The following RHOBTB1 variants were observed in gnomAD, a reference collection of about 807,000 sequenced individuals.
The protein encoded by RHOBTB1 is rho-related BTB domain-containing protein 1.
A neutral mutation model predicts 71.6 loss-of-function variants in RHOBTB1; 40 were observed. The ratio of observed to expected loss-of-function variants is 0.56; its 90% CI spans 0.43 to 0.73. The LOEUF (loss-of-function observed/expected upper bound fraction) is 0.73, where lower values mean the gene tolerates loss of function less well. Among genes scored for constraint, RHOBTB1 ranks in the 30% least tolerant of loss-of-function variants. The probability of loss-of-function intolerance (pLI) is 0.00; values close to 1 mark genes in which losing one functional copy is unlikely to be tolerated. For synonymous variants in RHOBTB1, 319 were observed against 334.9 expected, an observed-to-expected ratio of 0.95 and a Z score of 0.52; for missense variants, 797 against 894.0, an observed-to-expected ratio of 0.89 and a Z score of 1.38.
At chr10:60,903,630 A>T (rs2082516595) in intron 4 of RHOBTB1, among the ~76,000 whole-genome samples, 1 of 152,196 alleles carries the variant, frequency 6.6e-6, no homozygotes, top group African/African-American at 2.4e-5. Flanking sequence ...TGCTAGAAAA[A>T]GATATAAACA....
chr10:60,949,664 CTTTTT>C lies in RHOBTB1; in HGVS notation c.-61-7815_-61-7811del, dbSNP rs147906688. Among the ~76,000 whole-genome samples the C allele has an allele frequency of 7.6e-3, 831 of 108,908 alleles. 2 individuals are homozygous for C. The highest frequency in any genetic ancestry group is 8.7e-3 in the Non-Finnish European group (479 of 54,792). The allele number at this position is 108,908 out of a possible 152,430, so 71.4% of individuals were successfully genotyped here. ...GTATTGATGTGGTTTCCAGGTGAAG[CTTTTT>C]TTTTTTTTTTTTTTTTTTTTAAAGC... On this transcript the variant is annotated intron_variant, in intron 2 of 11. Transcript: ENST00000357917.
In RHOBTB1 at chr10:60,871,448, T is replaced by C. The variant is rs762737546; in HGVS notation, c.*34A>G. ...AAAAGTGGTGGATCAGATTACCGAT[T>C]GGTTTCTGTTTTTTGTTTTTTTTCT... is the stretch of plus-strand genomic sequence containing the variant. On this transcript the variant is annotated 3_prime_UTR_variant, in exon 11 of 11. Coordinates refer to ENST00000337910, the MANE Select transcript of RHOBTB1 (RefSeq NM_014836.5). The C allele has an allele frequency of 1.9e-6, 3 of 1,603,034 alleles. No individual in the cohort carries two copies. The Admixed American group carries it at 5.1e-5, about 27-fold the overall frequency.
chr10:60,992,200 C>T (rs567857906), intron 1 of RHOBTB1, among the ~76,000 whole-genome samples: 53 of 152,154 alleles, frequency 3.5e-4, no homozygotes, highest in African/African-American at 1.2e-3. Context: ...ATATAAGAAA[C>T]GAAAGTAGGA....
At chr10:60,879,184 A>G (rs951121454) in intron 7 of RHOBTB1, among the ~76,000 whole-genome samples, 1 of 152,176 alleles carries the variant, frequency 6.6e-6, no homozygotes, top group African/African-American at 2.4e-5. Context: ...AGGGAGTATG[A>G]TGCGAAAGTG....
chr10:60,975,658 A>G (rs1007825030), intron 2 of RHOBTB1, among the ~76,000 whole-genome samples: 1 of 152,114 alleles, frequency 6.6e-6, no homozygotes, highest in African/African-American at 2.4e-5. Context: ...CTGATTATAC[A>G]TAAATTCTCT....
intron 2 of RHOBTB1, among the ~76,000 whole-genome samples, chr10:60,940,177 T>C (rs1038243845): frequency 6.6e-6 from 1 of 152,188 alleles, no homozygotes; most frequent in African/African-American, 2.4e-5. Context: ...AAAAATATCT[T>C]CACTAATTAA....
chr10:60,947,725 C>T (rs2085284413), upstream of RHOBTB1, among the ~76,000 whole-genome samples: 1 of 152,070 alleles, frequency 6.6e-6, no homozygotes, highest in Admixed American at 6.5e-5. Context: ...TATCCATTCA[C>T]CCACTGAAGG....
intron 2 of RHOBTB1, among the ~76,000 whole-genome samples, chr10:60,957,977 A>T (rs182036987): frequency 6.6e-6 from 1 of 152,326 alleles, no homozygotes; most frequent in African/African-American, 2.4e-5. Flanking sequence ...TGAAAAGTGG[A>T]ATGACTTACT....
chr10:60,899,951 C>G (rs988603507), intron 4 of RHOBTB1, among the ~76,000 whole-genome samples: 1 of 151,986 alleles, frequency 6.6e-6, no homozygotes, highest in African/African-American at 2.4e-5. Context: ...TCCAGAAGCC[C>G]TTGGGGAAGG....
chr10:60,903,561 T>G (rs1345514157), intron 4 of RHOBTB1, among the ~76,000 whole-genome samples: 2 of 152,162 alleles, frequency 1.3e-5, no homozygotes, highest in Non-Finnish European at 2.9e-5. Context: ...AACGGAAAAT[T>G]TTCACAGAAC....
intron 2 of RHOBTB1, among the ~76,000 whole-genome samples, chr10:60,925,578 C>T (rs74388070): frequency 0.015 from 2,284 of 151,512 alleles, 68 homozygotes; most frequent in East Asian, 0.15. Context: ...TAATAAAGAT[C>T]GGAGCAGAAA....
intron 7 of RHOBTB1, among the ~76,000 whole-genome samples, chr10:60,884,818 C>A (rs754493936): frequency 6.6e-6 from 1 of 152,112 alleles, no homozygotes; most frequent in Admixed American, 6.5e-5. Context: ...AGAGTGATTA[C>A]CAGAGGCTGG....
At chr10:60,863,179 AG>A in the RHOBTB1 span, among the ~76,000 whole-genome samples, 3 of 152,318 alleles carry the variant, frequency 2.0e-5, no homozygotes, top group South Asian at 4.1e-4. Flanking sequence ...AAATTCATTT[AG>A]GTTCAAGTAA....
intron 4 of RHOBTB1, among the ~76,000 whole-genome samples, chr10:60,899,531 G>A (rs1452418755): frequency 6.6e-6 from 1 of 152,174 alleles, no homozygotes; most frequent in Non-Finnish European, 1.5e-5. Context: ...AAACCAGCAC[G>A]ATCATTTGAC....
downstream of RHOBTB1, among the ~76,000 whole-genome samples, chr10:60,864,781 C>T (rs1040826672): frequency 6.6e-6 from 1 of 151,750 alleles, no homozygotes; most frequent in African/African-American, 2.4e-5. Context: ...CAACCTCCGC[C>T]TCCCCAGTTC....
At chr10:60,968,881 G>T (rs2086061294) in intron 2 of RHOBTB1, among the ~76,000 whole-genome samples, 1 of 152,034 alleles carries the variant, frequency 6.6e-6, no homozygotes. Flanking sequence ...AGACATCAGG[G>T]GTGTTGGCAG....
the RHOBTB1 span, among the ~76,000 whole-genome samples, chr10:60,862,559 CTTCT>C: frequency 1.3e-4 from 19 of 148,052 alleles, no homozygotes; most frequent in East Asian, 4.1e-4. Context: ...TCTTTCCTTT[CTTCT>C]TTCTTTCTTT....
At chr10:60,987,662 T>C (rs997412389) in intron 1 of RHOBTB1, among the ~76,000 whole-genome samples, 1 of 152,192 alleles carries the variant, frequency 6.6e-6, no homozygotes, top group Non-Finnish European at 1.5e-5. Flanking sequence ...TTCTAGTCTT[T>C]TTCTTAAACC....
At chr10:60,937,138 T>C (rs903297354) in intron 2 of RHOBTB1, among the ~76,000 whole-genome samples, 4 of 152,198 alleles carry the variant, frequency 2.6e-5, no homozygotes, top group Non-Finnish European at 5.9e-5. Flanking sequence ...ATTGGATGTG[T>C]TGGCAAGGAC....
Sources: gnomAD v4.1 joint callset for allele counts (sites outside exome capture counted in the v4.1 genomes callset) on GRCh38, gnomAD v4.1.1 for gene constraint, MANE v1.5 for transcripts, NCBI Gene and HGNC (gene_info 2026-07-23, HGNC 2026-07-21) for gene names.